The following ATF6 variants were observed in gnomAD, a reference collection of about 807,000 sequenced individuals.
ATF6 encodes activating transcription factor 6, also known as cyclic AMP-dependent transcription factor ATF-6 alpha.
A neutral mutation model predicts 83.6 loss-of-function variants in ATF6; 53 were observed. The observed-to-expected ratio is 0.63, with a 90% CI of 0.51 to 0.80. The LOEUF (loss-of-function observed/expected upper bound fraction) is 0.80, where lower values mean the gene tolerates loss of function less well. Among genes scored for constraint, ATF6 ranks in the 30% least tolerant of loss-of-function variants. The probability of loss-of-function intolerance (pLI) is 0.00; values close to 1 mark genes in which losing one functional copy is unlikely to be tolerated. For missense variants in ATF6, 744 were observed against 797.9 expected, an observed-to-expected ratio of 0.93 and a Z score of 0.81; for synonymous variants, 288 against 285.8, an observed-to-expected ratio of 1.01 and a Z score of -0.08.
chr1:161,805,822 AAT>A (rs1685265358), intron 7 of ATF6, among the ~76,000 whole-genome samples: 1 of 152,232 alleles, frequency 6.6e-6, no homozygotes, highest in East Asian at 1.9e-4. Flanking sequence ...AAAAAAAAAA[AAT>A]CATATCAGTT....
In ATF6 at chr1:161,821,208, A is replaced by G. The variant is rs370566411; in HGVS notation, c.1187+47A>G. 10 of 1,252,146 alleles carry G rather than the reference A, an allele frequency of 8.0e-6. No individual in the cohort carries two copies. In the South Asian group the frequency reaches 9.3e-5, roughly 12 times the overall value. The allele number at this position is 1,252,146 out of a possible 1,614,324, so 77.6% of individuals were successfully genotyped here. ...TTGGACACTAATGCTAAAAACTTAA[A>G]TTCTCATTATTCTTTAGCTTTTGTC... is the stretch of plus-strand genomic sequence containing the variant. On this transcript the variant is annotated intron_variant, in intron 9 of 15. Transcript: ENST00000367942.
chr1:161,807,457 T>C (rs1685316899), intron 7 of ATF6, among the ~76,000 whole-genome samples: 1 of 152,076 alleles, frequency 6.6e-6, no homozygotes, highest in African/African-American at 2.4e-5. Context: ...AACAAACAAG[T>C]TGAGATCATG....
At chr1:161,834,415 A>G (rs1240914499) in intron 9 of ATF6, among the ~76,000 whole-genome samples, 1 of 152,030 alleles carries the variant, frequency 6.6e-6, no homozygotes, top group Non-Finnish European at 1.5e-5. Context: ...AGAAAATGTG[A>G]CACATATACA....
In ATF6 at chr1:161,792,128, T is replaced by C. The variant is rs1237647071; in HGVS notation, c.489T>C (p.Asn163=). ...GTTTGTCTGGTTTTTCTCCAGAAAATGGACTGACTCCAAAGAAAAAAATTC... is the reference window on the plus strand; with the variant it reads ...GTTTGTCTGGTTTTTCTCCAGAAAACGGACTGACTCCAAAGAAAAAAATTC... ...PVTGPRNKTE[N]GLTPKKKIQV... The change falls in exon 6 of 16, where the codon AAT becomes AAC. Residue 163 remains asparagine (N), a synonymous_variant. Transcript: ENST00000367942. 1 of 1,613,668 alleles carries C rather than the reference T, an allele frequency of 6.2e-7. No homozygotes were observed. The highest frequency in any genetic ancestry group is 8.5e-7 in the Non-Finnish European group (1 of 1,179,984).
chr1:161,872,343 A>G (rs1476961245), intron 14 of ATF6, among the ~76,000 whole-genome samples: 1 of 151,682 alleles, frequency 6.6e-6, no homozygotes, highest in African/African-American at 2.4e-5. Flanking sequence ...TCCAAATATC[A>G]TATCTTTGAA....
chr1:161,934,556 A>G (rs1485378700), intron 15 of ATF6, among the ~76,000 whole-genome samples: 2 of 152,104 alleles, frequency 1.3e-5, no homozygotes, highest in Non-Finnish European at 2.9e-5. Flanking sequence ...AATTCTAAGG[A>G]TCCTGGGTTC....
At position 161,802,140 on chromosome 1, in the gene ATF6, T is replaced by C. The variant is rs1034342848; in HGVS notation, c.777T>C (p.Ala259=). The C allele has an allele frequency of 3.7e-6, 6 of 1,614,132 alleles. No individual in the cohort carries two copies. Among genetic ancestry groups the C allele is most frequent in the Non-Finnish European group, 5.1e-6 (6 of 1,180,002 alleles). Reference sequence around the variant, plus strand: ...CTGCTCAGCCAGTCCTTGCTGTTGCTGGGGGAGTCACACAGCTCCCTAATC... The same window carrying C: ...CTGCTCAGCCAGTCCTTGCTGTTGCCGGGGGAGTCACACAGCTCCCTAATC... ...LPSAQPVLAV[A]GGVTQLPNHV... The change falls in exon 7 of 16, where the codon GCT becomes GCC. Residue 259 remains alanine, a synonymous_variant. Transcript: ENST00000367942.
chr1:161,912,148 G>T, intron 14 of ATF6, 148 bp from the exon 15 acceptor site: 1 of 527,426 alleles, frequency 1.9e-6, no homozygotes, highest in Non-Finnish European at 3.4e-6. Context: ...TTCTAAGCTG[G>T]TTTGTAGTTA....
intron 1 of ATF6, among the ~76,000 whole-genome samples, chr1:161,774,708 C>T (rs1684475599): frequency 1.3e-5 from 2 of 152,182 alleles, no homozygotes; most frequent in Non-Finnish European, 2.9e-5. Flanking sequence ...TATATTTCTT[C>T]CAGTCAGGAG....
At chr1:161,782,136 G>A in intron 3 of ATF6, 137 bp downstream of exon 3, 2 of 587,038 alleles carry the variant, frequency 3.4e-6, no homozygotes, top group Non-Finnish European at 2.9e-6. Flanking sequence ...TTCTACTTCT[G>A]GTATGGCAAT....
At chr1:161,861,654 C>T (rs1686888877) in intron 13 of ATF6, among the ~76,000 whole-genome samples, 1 of 152,150 alleles carries the variant, frequency 6.6e-6, no homozygotes, top group Non-Finnish European at 1.5e-5. Context: ...CTACTAAAAT[C>T]TGCTAAAATG....
intron 1 of ATF6, among the ~76,000 whole-genome samples, chr1:161,772,609 T>G (rs1396846208): frequency 6.6e-6 from 1 of 152,146 alleles, no homozygotes; most frequent in East Asian, 1.9e-4. Flanking sequence ...ATTCTTCCTG[T>G]TTTGTTCAAG....
At chr1:161,832,433 T>G (rs1686088355) in intron 9 of ATF6, among the ~76,000 whole-genome samples, 1 of 152,070 alleles carries the variant, frequency 6.6e-6, no homozygotes, top group Non-Finnish European at 1.5e-5. Context: ...CAGCGCACCG[T>G]GCATGAGCTG....
chr1:161,876,229 T>C (rs567880793), intron 14 of ATF6, among the ~76,000 whole-genome samples: 74 of 152,104 alleles, frequency 4.9e-4, no homozygotes, highest in Non-Finnish European at 8.5e-4. Context: ...ATAAAGTTTA[T>C]AGATTCTTCC....
intron 15 of ATF6, among the ~76,000 whole-genome samples, chr1:161,953,582 GGA>G (rs1010306923): frequency 4.6e-5 from 7 of 151,940 alleles, no homozygotes. Context: ...CCCTGCCTTT[GGA>G]CACTTCCCAT....
chr1:161,826,650 G>A (rs892736330), intron 9 of ATF6, among the ~76,000 whole-genome samples: 1 of 152,134 alleles, frequency 6.6e-6, no homozygotes, highest in Non-Finnish European at 1.5e-5. Flanking sequence ...TTGAAGAAAA[G>A]CATCAAGGAG....
intron 14 of ATF6, among the ~76,000 whole-genome samples, chr1:161,901,241 G>C (rs371316487): frequency 6.6e-6 from 1 of 151,922 alleles, no homozygotes; most frequent in Non-Finnish European, 1.5e-5. Context: ...CTGAGGTTTA[G>C]GGTATGAATG....
At chr1:161,883,447 G>A (rs1349527451) in intron 14 of ATF6, among the ~76,000 whole-genome samples, 2 of 152,008 alleles carry the variant, frequency 1.3e-5, no homozygotes, top group Non-Finnish European at 2.9e-5. Flanking sequence ...CTGAGTAACA[G>A]CAGACACCAG....
chr1:161,877,895 A>G (rs1225046685), intron 14 of ATF6, among the ~76,000 whole-genome samples: 1 of 152,148 alleles, frequency 6.6e-6, no homozygotes, highest in Non-Finnish European at 1.5e-5. Context: ...GTCTTGAATT[A>G]CTAGGTAGAA....
Sources: allele counts gnomAD v4.1 joint callset (sites outside exome capture counted in the v4.1 genomes callset), GRCh38; gene constraint gnomAD v4.1.1; transcripts MANE v1.5; gene names NCBI Gene and HGNC (gene_info 2026-07-23, HGNC 2026-07-21).